The following CDIN1 variants were observed in gnomAD, a reference collection of about 807,000 sequenced individuals.
CDIN1 encodes CDAN1 interacting nuclease 1.
Under a neutral mutation model 45.3 loss-of-function variants are expected in CDIN1, and 33 were observed. The observed-to-expected ratio is 0.73, with a 90% CI of 0.55 to 0.97. The LOEUF (loss-of-function observed/expected upper bound fraction) is 0.97. Among genes scored for constraint, CDIN1 ranks in the 50% least tolerant of loss-of-function variants. The pLI is 0.00. For synonymous variants in CDIN1, 118 were observed against 124.4 expected (o/e 0.95, Z 0.34); for missense variants, 303 against 339.4 (o/e 0.89, Z 0.84).
chr15:36,721,344 T>C (rs1161500758), intron 10 of CDIN1, among the ~76,000 whole-genome samples: 3 of 152,168 alleles, frequency 2.0e-5, no homozygotes, highest in Admixed American at 6.6e-5. Flanking sequence ...TGAGCACTGT[T>C]GTGGCTGTAT....
chr15:36,803,040 A>G (rs1480728243), intron 10 of CDIN1, among the ~76,000 whole-genome samples: 1 of 151,936 alleles, frequency 6.6e-6, no homozygotes, highest in Non-Finnish European at 1.5e-5. Context: ...CCCCAACACC[A>G]AACAGCCAGG....
At chr15:36,747,784 A>C (rs770728331) in intron 10 of CDIN1, among the ~76,000 whole-genome samples, 3 of 152,164 alleles carry the variant, frequency 2.0e-5, no homozygotes, top group Non-Finnish European at 4.4e-5. Flanking sequence ...TTGAATACCA[A>C]AACATTTTTC....
chr15:36,795,078 A>C (rs1474579153), intron 10 of CDIN1, among the ~76,000 whole-genome samples: 2 of 152,218 alleles, frequency 1.3e-5, no homozygotes, highest in Non-Finnish European at 2.9e-5. Context: ...CGGGGCTTCA[A>C]AAGTTGATCT....
At chr15:36,650,406 A>T (rs1232299672) in intron 3 of CDIN1, among the ~76,000 whole-genome samples, 29 of 966 alleles carry the variant, frequency 0.03, no homozygotes, top group African/African-American at 0.086. Context: ...GAAAATTTTT[A>T]TTTATTTATT....
chr15:36,599,144 T>C (rs2037982331), intron 1 of CDIN1, among the ~76,000 whole-genome samples: 1 of 151,758 alleles, frequency 6.6e-6, no homozygotes, highest in African/African-American at 2.4e-5. Context: ...AGTACTGTTC[T>C]AACTAGTACC....
At chr15:36,715,974 T>G (rs17499823) in intron 10 of CDIN1, among the ~76,000 whole-genome samples, 13,308 of 152,246 alleles carry the variant, frequency 0.087, 678 homozygotes, top group Non-Finnish European at 0.12. Flanking sequence ...TTTTCTGCCA[T>G]CATTCATTGG....
At chr15:36,730,926 T>G (rs544126087) in intron 10 of CDIN1, among the ~76,000 whole-genome samples, 6 of 152,162 alleles carry the variant, frequency 3.9e-5, no homozygotes, top group Non-Finnish European at 7.4e-5. Flanking sequence ...TGTTCATATT[T>G]GTTTCCCAAA....
intron 10 of CDIN1, among the ~76,000 whole-genome samples, chr15:36,738,395 C>A (rs960058445): frequency 1.3e-5 from 2 of 152,130 alleles, no homozygotes; most frequent in African/African-American, 4.8e-5. Context: ...TGGAATCATT[C>A]TTGTTTCTCT....
chr15:36,790,716 G>C (rs2141086195), intron 10 of CDIN1, among the ~76,000 whole-genome samples: 1 of 152,276 alleles, frequency 6.6e-6, no homozygotes, highest in Admixed American at 6.5e-5. Flanking sequence ...AAAGGGAAAA[G>C]TTCCAGTTCA....
chr15:36,779,169 C>T (rs1039241129), intron 10 of CDIN1, among the ~76,000 whole-genome samples: 5 of 152,176 alleles, frequency 3.3e-5, no homozygotes, highest in African/African-American at 1.2e-4. Context: ...AAATCCTTCT[C>T]AACACGGGGC....
chr15:36,734,336 T>G (rs1328946395), intron 10 of CDIN1: 4 of 428,218 alleles, frequency 9.3e-6, no homozygotes, highest in Non-Finnish European at 1.4e-5. Flanking sequence ...ACTAATACTA[T>G]GTAGTCGGGT....
chr15:36,722,009 A>C (rs2043438323), intron 10 of CDIN1, among the ~76,000 whole-genome samples: 1 of 152,112 alleles, frequency 6.6e-6, no homozygotes, highest in Non-Finnish European at 1.5e-5. Context: ...CTCTGGGATT[A>C]CTGTTCTTCA....
At chr15:36,714,482 T>C (rs2043156268) in intron 10 of CDIN1, among the ~76,000 whole-genome samples, 1 of 152,160 alleles carries the variant, frequency 6.6e-6, no homozygotes, top group Non-Finnish European at 1.5e-5. Flanking sequence ...TTATATACTA[T>C]GTGTCTAAAT....
intron 1 of CDIN1, among the ~76,000 whole-genome samples, chr15:36,607,590 C>T (rs542739205): frequency 3.3e-5 from 5 of 152,038 alleles, no homozygotes; most frequent in Non-Finnish European, 7.4e-5. Flanking sequence ...TCCCTCCCTC[C>T]CTTCCTCCCT....
At chr15:36,654,711 T>C (rs545436587) in intron 4 of CDIN1, among the ~76,000 whole-genome samples, 34 of 152,280 alleles carry the variant, frequency 2.2e-4, no homozygotes, top group South Asian at 8.3e-4. Flanking sequence ...ATTGAACTTA[T>C]TCGTTAACTC....
intron 10 of CDIN1, among the ~76,000 whole-genome samples, chr15:36,790,622 A>G (rs2054620040): frequency 6.6e-6 from 1 of 152,246 alleles, no homozygotes; most frequent in Non-Finnish European, 1.5e-5. Flanking sequence ...ATGTAACAAA[A>G]TATCACATGT....
chr15:36,692,459 G>A (rs559540633), intron 7 of CDIN1, among the ~76,000 whole-genome samples: 1 of 152,134 alleles, frequency 6.6e-6, no homozygotes, highest in African/African-American at 2.4e-5. Flanking sequence ...TCATTAGGCA[G>A]GTAACGTAAT....
intron 10 of CDIN1, among the ~76,000 whole-genome samples, chr15:36,736,978 C>T (rs1243615575): frequency 1.3e-5 from 2 of 151,898 alleles, no homozygotes. Flanking sequence ...ACCAGCCTGG[C>T]CAACGTGGTG....
In CDIN1 at chr15:36,809,166, T is replaced by C. The variant is rs2055325918; in HGVS notation, c.*713T>C. On this transcript the variant is annotated 3_prime_UTR_variant, in exon 11 of 11. Transcript: ENST00000566621. ...AACACCACATATTTTAGATTTATCT[T>C]ATTTGAAAGTATTAGTTCCATTGTG... is the stretch of plus-strand genomic sequence containing the variant. 1 of 312,038 alleles carries C rather than the reference T, an allele frequency of 3.2e-6. No homozygotes were observed. Among genetic ancestry groups the C allele is most frequent in the African/African-American group, 2.2e-5 (1 of 45,428 alleles). The allele number at this position is 312,038 out of a possible 1,614,324, so 19.3% of individuals were successfully genotyped here. A position where few individuals can be genotyped will look rare whatever the true frequency, so the allele number is the denominator to read the frequency against.
Sources: gnomAD v4.1 joint callset for allele counts (sites outside exome capture counted in the v4.1 genomes callset) on GRCh38, gnomAD v4.1.1 for gene constraint, MANE v1.5 for transcripts, NCBI Gene and HGNC (gene_info 2026-07-23, HGNC 2026-07-21) for gene names.